The following TNR variants were observed in gnomAD, a reference collection of about 807,000 sequenced individuals.
TNR encodes tenascin R, also known as tenascin-R.
A neutral mutation model predicts 150.4 loss-of-function variants in TNR; 45 were observed. The ratio of observed to expected loss-of-function variants is 0.30; its 90% CI spans 0.24 to 0.38. The LOEUF is 0.38. TNR is among the 10% of genes least tolerant of loss of function. The pLI, the probability that TNR is intolerant of heterozygous loss-of-function variation, is 1.00. For synonymous variants in TNR, 687 were observed against 678.4 expected, an observed-to-expected ratio of 1.01 and a Z score of -0.20; for missense variants, 1,544 against 1,759.1, an observed-to-expected ratio of 0.88 and a Z score of 2.19.
chr1:175,523,965 C>T (rs942072288), intron 2 of TNR, among the ~76,000 whole-genome samples: 1 of 152,160 alleles, frequency 6.6e-6, no homozygotes, highest in Admixed American at 6.5e-5. Context: ...TGACCTTGCC[C>T]ATGCTGCTCC....
At chr1:175,419,356 A>T (rs1209025838) in intron 2 of TNR, among the ~76,000 whole-genome samples, 1 of 152,206 alleles carries the variant, frequency 6.6e-6, no homozygotes, top group East Asian at 1.9e-4. Context: ...ACAGCGTAAG[A>T]ATACAGATGG....
rs189655989 is a variant in TNR, at chr1:175,679,209, G to C, written c.-165+64017C>G. On this transcript the variant is annotated intron_variant, in intron 1 of 22. Transcript: ENST00000367674. ...CTTGGATGGCCCTAGCGGGTGCTTC[G>C]GAGCAAAGCTGCAACATCACTCAGG... Among the ~76,000 whole-genome samples, 203 of 152,304 alleles carry C rather than the reference G, an allele frequency of 1.3e-3. 1 individual carries two copies. The highest frequency in any genetic ancestry group is 4.7e-3 in the African/African-American group (197 of 41,544).
intron 1 of TNR, among the ~76,000 whole-genome samples, chr1:175,532,307 CA>C (rs1341406946): frequency 6.6e-6 from 1 of 152,202 alleles, no homozygotes; most frequent in Non-Finnish European, 1.5e-5. Flanking sequence ...AGATTGTGAA[CA>C]ACCTTCAAGT....
At chr1:175,365,394 C>T (rs937850716) in intron 11 of TNR, 115 bp from the exon 12 acceptor site, 3 of 1,210,334 alleles carry the variant, frequency 2.5e-6, no homozygotes, top group Admixed American at 5.7e-5. Context: ...GCCACACCTT[C>T]ACCCACTAAC....
At chr1:175,414,338 GGA>G (rs1241038468) in intron 2 of TNR, among the ~76,000 whole-genome samples, 1 of 152,032 alleles carries the variant, frequency 6.6e-6, no homozygotes, top group African/African-American at 2.4e-5. Flanking sequence ...CCAGGCTGGT[GGA>G]GAAACAAATA....
intron 2 of TNR, among the ~76,000 whole-genome samples, chr1:175,517,548 T>C (rs1249958314): frequency 6.6e-6 from 1 of 152,186 alleles, no homozygotes; most frequent in African/African-American, 2.4e-5. Flanking sequence ...AATGGAATAA[T>C]CTCAGGGGAA....
chr1:175,530,632 ACAT>A (rs1432007961), intron 1 of TNR, among the ~76,000 whole-genome samples: 7 of 152,222 alleles, frequency 4.6e-5, no homozygotes, highest in African/African-American at 1.7e-4. Context: ...TAACATACAA[ACAT>A]CATCATTTTT....
At chr1:175,370,581 C>G (rs1425689845) in intron 9 of TNR, among the ~76,000 whole-genome samples, 2 of 151,878 alleles carry the variant, frequency 1.3e-5, no homozygotes, top group Non-Finnish European at 2.9e-5. Context: ...TTGCAATACC[C>G]CCTGATCCAT....
At chr1:175,517,012 T>TGAGAGAGAGAGAGAGAGAGAGA (rs58416273) in intron 2 of TNR, among the ~76,000 whole-genome samples, 1 of 120,348 alleles carries the variant, frequency 8.3e-6, no homozygotes, top group African/African-American at 3.1e-5. Flanking sequence ...ATCTGAAAGC[T>TGAGAGAGAGAGAGAGAGAGAGA]GAGAGAGAGA....
chr1:175,538,606 G>T (rs1254096321), intron 1 of TNR, among the ~76,000 whole-genome samples: 3 of 152,222 alleles, frequency 2.0e-5, no homozygotes, highest in Non-Finnish European at 2.9e-5. Flanking sequence ...ACCATGTGGG[G>T]TGAGTTGATT....
At chr1:175,590,072 A>G (rs2101837085) in intron 1 of TNR, among the ~76,000 whole-genome samples, 1 of 152,306 alleles carries the variant, frequency 6.6e-6, no homozygotes, top group Admixed American at 6.5e-5. Context: ...TTGATATGGT[A>G]CTGCAACTGA....
intron 9 of TNR, among the ~76,000 whole-genome samples, chr1:175,372,952 C>A (rs747708890): frequency 3.9e-5 from 6 of 152,104 alleles, no homozygotes; most frequent in Non-Finnish European, 5.9e-5. Flanking sequence ...AGTCAATCTG[C>A]GATTTTTATA....
intron 4 of TNR, among the ~76,000 whole-genome samples, chr1:175,402,126 T>C (rs1038737907): frequency 8.6e-5 from 13 of 151,024 alleles, no homozygotes; most frequent in African/African-American, 2.9e-4. Flanking sequence ...GCTAACAAGG[T>C]GAAACCCCGT....
intron 1 of TNR, among the ~76,000 whole-genome samples, chr1:175,529,519 A>T (rs1659982652): frequency 6.6e-6 from 1 of 152,220 alleles, no homozygotes. Context: ...CAGGGAAAGA[A>T]CTGGTCATCA....
intron 2 of TNR, among the ~76,000 whole-genome samples, chr1:175,482,221 A>T (rs1657840997): frequency 6.6e-6 from 1 of 152,226 alleles, no homozygotes; most frequent in African/African-American, 2.4e-5. Flanking sequence ...TGGTGATCCA[A>T]ATCAGCTTCC....
At chr1:175,339,992 T>C (rs900198898) in intron 18 of TNR, among the ~76,000 whole-genome samples, 2 of 152,326 alleles carry the variant, frequency 1.3e-5, no homozygotes, top group Non-Finnish European at 2.9e-5. Context: ...ACAAATACAG[T>C]AAACTGAGAT....
At chr1:175,502,917 G>A (rs999933408) in intron 2 of TNR, among the ~76,000 whole-genome samples, 2 of 150,836 alleles carry the variant, frequency 1.3e-5, no homozygotes, top group Non-Finnish European at 2.9e-5. Flanking sequence ...GACGAACCAA[G>A]GATATTCTTT....
rs530556491 is a variant in TNR at position 175,571,759 on chromosome 1, C to G, written c.-164-43390G>C. On this transcript the variant is annotated intron_variant, in intron 1 of 22. Transcript: ENST00000367674. ...TACTCCAGCCCTGGGCTGATGAGCC[C>G]CCCAGATTCATACTTGGGTTGAAAT... is the stretch of plus-strand genomic sequence containing the variant. Among the ~76,000 whole-genome samples, 18 of 152,298 alleles carry G rather than the reference C, an allele frequency of 1.2e-4. No homozygotes were observed. In the South Asian group the frequency reaches 3.1e-3, roughly 26 times the overall value.
chr1:175,657,853 G>A (rs1230150906), intron 1 of TNR, among the ~76,000 whole-genome samples: 4 of 70,484 alleles, frequency 5.7e-5, no homozygotes, highest in Non-Finnish European at 1.1e-4. Flanking sequence ...CATGGAACAT[G>A]TATATATATA....
Sources: allele counts gnomAD v4.1 joint callset (sites outside exome capture counted in the v4.1 genomes callset), GRCh38; gene constraint gnomAD v4.1.1; transcripts MANE v1.5; gene names NCBI Gene and HGNC (gene_info 2026-07-23, HGNC 2026-07-21).